Variants in CCDC6 observed in about 807,000 individuals in gnomAD.
CCDC6 encodes coiled-coil domain containing 6.
A neutral mutation model predicts 56.6 loss-of-function variants in CCDC6; 20 were observed. That is an observed-to-expected ratio of 0.35 (90% confidence interval 0.25 to 0.51). The LOEUF (loss-of-function observed/expected upper bound fraction) is 0.51. Among genes scored for constraint, CCDC6 ranks in the 20% least tolerant of loss-of-function variants. The pLI, the probability that CCDC6 is intolerant of heterozygous loss-of-function variation, is 0.95. For missense variants in CCDC6, 367 were observed against 601.1 expected (o/e 0.61, Z 4.07); for synonymous variants, 241 against 234.4 (o/e 1.03, Z -0.26).
intron 1 of CCDC6, among the ~76,000 whole-genome samples, chr10:59,893,109 C>G (rs2071434638): frequency 6.6e-6 from 1 of 152,180 alleles, no homozygotes; most frequent in African/African-American, 2.4e-5. Flanking sequence ...AAAATACATT[C>G]TGTATAATTC....
intron 3 of CCDC6, among the ~76,000 whole-genome samples, chr10:59,818,828 T>C (rs1156632373): frequency 6.6e-6 from 1 of 151,824 alleles, no homozygotes; most frequent in Non-Finnish European, 1.5e-5. Context: ...ATAAAGTATA[T>C]GCTAATCATA....
At chr10:59,905,550 C>A (rs929886777) in intron 1 of CCDC6, among the ~76,000 whole-genome samples, 2 of 152,214 alleles carry the variant, frequency 1.3e-5, no homozygotes, top group African/African-American at 4.8e-5. Flanking sequence ...GCCGTACCCG[C>A]CCTTCCCTCT....
chr10:59,804,371 T>C lies in CCDC6; in HGVS notation c.1105+49A>G, dbSNP rs2070602285. 4.6e-6 allele frequency: 5 copies of C among 1,095,234 alleles called. No individual in the cohort carries two copies. In the South Asian group the frequency reaches 6.2e-5, roughly 14 times the overall value. 67.8% of individuals were successfully genotyped at this position (1,095,234 alleles called of 1,614,324 possible). On this transcript the variant is annotated intron_variant, in intron 7 of 8. Transcript: ENST00000263102. ...AGGGAACACAGTCAGGGTTGCCTAT[T>C]CAATGTGCCAGGAATCAGTCACTGA...
intron 3 of CCDC6, among the ~76,000 whole-genome samples, chr10:59,816,201 C>T (rs1285283005): frequency 6.6e-6 from 1 of 152,052 alleles, no homozygotes; most frequent in Non-Finnish European, 1.5e-5. Flanking sequence ...TGCCTCAGAA[C>T]CTGAACAATC....
chr10:59,827,246 A>G (rs2070795563), intron 3 of CCDC6, among the ~76,000 whole-genome samples: 1 of 152,210 alleles, frequency 6.6e-6, no homozygotes, highest in Non-Finnish European at 1.5e-5. Context: ...TTTTGAAATT[A>G]GTCTAGTCTT....
At chr10:59,830,440 C>T (rs1328600935) in intron 3 of CCDC6, among the ~76,000 whole-genome samples, 3 of 152,046 alleles carry the variant, frequency 2.0e-5, no homozygotes, top group Admixed American at 6.6e-5. Flanking sequence ...TATTTATAGT[C>T]AAAGAAAACA....
At chr10:59,879,925 T>C (rs2132674020) in intron 1 of CCDC6, among the ~76,000 whole-genome samples, 1 of 152,332 alleles carries the variant, frequency 6.6e-6, no homozygotes, top group East Asian at 1.9e-4. Context: ...ATTTTACCAA[T>C]TTCCCTTTTC....
At chr10:59,888,757 G>A (rs1432101446) in intron 1 of CCDC6, among the ~76,000 whole-genome samples, 3 of 152,174 alleles carry the variant, frequency 2.0e-5, no homozygotes, top group African/African-American at 4.8e-5. Context: ...TATGGTGAAA[G>A]CATTTTAAGA....
chr10:59,807,752 G>A (rs1025544954), intron 5 of CCDC6, among the ~76,000 whole-genome samples: 2 of 152,106 alleles, frequency 1.3e-5, no homozygotes, highest in African/African-American at 4.8e-5. Flanking sequence ...GCTGGGAAAG[G>A]AGGGAGGCCC....
intron 3 of CCDC6, among the ~76,000 whole-genome samples, chr10:59,829,810 C>T (rs1291330402): frequency 6.6e-6 from 1 of 152,118 alleles, no homozygotes; most frequent in Non-Finnish European, 1.5e-5. Flanking sequence ...ACAACAATGT[C>T]CTAAAATTGA....
At chr10:59,900,990 A>C (rs2132688997) in intron 1 of CCDC6, among the ~76,000 whole-genome samples, 1 of 152,312 alleles carries the variant, frequency 6.6e-6, no homozygotes, top group African/African-American at 2.4e-5. Flanking sequence ...CCTGGGGGGC[A>C]GAGGTTGCAG....
chr10:59,834,478 AG>A (rs928862502), intron 2 of CCDC6, among the ~76,000 whole-genome samples: 11 of 151,844 alleles, frequency 7.2e-5, no homozygotes, highest in Non-Finnish European at 1.6e-4. Context: ...CCCAGGAGGC[AG>A]GGGTTGCAGG....
At chr10:59,798,830 T>TA (rs1203100363) in intron 7 of CCDC6, among the ~76,000 whole-genome samples, 1 of 150,020 alleles carries the variant, frequency 6.7e-6, no homozygotes. Context: ...CCATCTCTAC[T>TA]AAAAATACAA....
At chr10:59,865,852 CAAAA>C (rs777021321) in intron 1 of CCDC6, among the ~76,000 whole-genome samples, 6 of 57,038 alleles carry the variant, frequency 1.1e-4, no homozygotes, top group South Asian at 1.7e-3. Context: ...TCCATCTCCA[CAAAA>C]AAAAAAAAAA....
intron 4 of CCDC6, among the ~76,000 whole-genome samples, chr10:59,813,135 A>G (rs1014541275): frequency 5.3e-5 from 8 of 152,178 alleles, no homozygotes; most frequent in Non-Finnish European, 1.0e-4. Context: ...TCAATGTTCA[A>G]CTTCTTGGGT....
At chr10:59,801,849 C>A (rs2070578967) in intron 7 of CCDC6, among the ~76,000 whole-genome samples, 1 of 152,134 alleles carries the variant, frequency 6.6e-6, no homozygotes, top group African/African-American at 2.4e-5. Context: ...CTCTGACATA[C>A]CCTCATCACT....
At position 59,840,710 on chromosome 10, in the gene CCDC6, T is replaced by G. The variant is rs1277681496; in HGVS notation, c.454-8057A>C. ...CACTTGCTGTCTTTTCCATCTTAAA[T>G]GATGGTAACTATTCTTCCAGTCATT... is the stretch of plus-strand genomic sequence containing the variant. On this transcript the variant is annotated intron_variant, in intron 2 of 8. Transcript: ENST00000263102. 3.3e-5 allele frequency among the ~76,000 whole-genome samples: 5 copies of G among 152,344 alleles called. No individual in the cohort carries two copies. In the South Asian group the frequency reaches 1.0e-3, roughly 32 times the overall value.
At chr10:59,903,658 T>C (rs1044546174) in intron 1 of CCDC6, among the ~76,000 whole-genome samples, 1 of 152,336 alleles carries the variant, frequency 6.6e-6, no homozygotes, top group East Asian at 1.9e-4. Context: ...ACCAGAATTA[T>C]GGTACCATCT....
At chr10:59,841,301 T>C (rs2070936106) in intron 2 of CCDC6, among the ~76,000 whole-genome samples, 1 of 152,234 alleles carries the variant, frequency 6.6e-6, no homozygotes, top group Non-Finnish European at 1.5e-5. Context: ...AGATTTTGCT[T>C]AAGTATTACC....
Sources: allele counts gnomAD v4.1 joint callset (sites outside exome capture counted in the v4.1 genomes callset), GRCh38; gene constraint gnomAD v4.1.1; transcripts MANE v1.5; gene names NCBI Gene and HGNC (gene_info 2026-07-23, HGNC 2026-07-21).